Variants in PRKCE observed in about 807,000 individuals in gnomAD.
PRKCE encodes the protein protein kinase C epsilon, also known as protein kinase C epsilon type.
In PRKCE, 16 loss-of-function variants were observed where a neutral mutation model predicts 85.4. That is an observed-to-expected ratio of 0.19 (90% CI 0.13 to 0.28). The LOEUF (loss-of-function observed/expected upper bound fraction) is 0.28. PRKCE is among the 10% of genes least tolerant of loss of function. PRKCE has a pLI of 1.00. For missense variants in PRKCE, 573 were observed against 975.2 expected (o/e 0.59, Z 5.49); for synonymous variants, 388 against 371.5 (o/e 1.04, Z -0.51).
intron 1 of PRKCE, among the ~76,000 whole-genome samples, chr2:45,785,374 C>T (rs975281730): frequency 1.3e-5 from 2 of 151,982 alleles, no homozygotes; most frequent in African/African-American, 4.8e-5. Context: ...ACCTGTAGTT[C>T]CACCTACTCA....
intron 1 of PRKCE, among the ~76,000 whole-genome samples, chr2:45,682,051 T>C (rs1235652444): frequency 5.3e-5 from 8 of 152,236 alleles, no homozygotes; most frequent in East Asian, 1.9e-4. Context: ...TATGAAATGG[T>C]AGTGTTTAAG....
At chr2:46,025,046 C>T (rs964999193) in intron 10 of PRKCE, among the ~76,000 whole-genome samples, 1 of 152,060 alleles carries the variant, frequency 6.6e-6, no homozygotes, top group African/African-American at 2.4e-5. Flanking sequence ...TAGGTAGGCT[C>T]CACTGAAAGA....
intron 2 of PRKCE, among the ~76,000 whole-genome samples, chr2:45,970,410 C>G (rs993801527): frequency 6.6e-6 from 1 of 152,006 alleles, no homozygotes; most frequent in Non-Finnish European, 1.5e-5. Flanking sequence ...ATACATAGCC[C>G]TTTGTGCTGG....
At chr2:46,157,511 C>G (rs1168980546) in intron 13 of PRKCE, among the ~76,000 whole-genome samples, 1 of 152,082 alleles carries the variant, frequency 6.6e-6, no homozygotes, top group Non-Finnish European at 1.5e-5. Context: ...CAGGACAGCT[C>G]CCCCCACCCA....
At chr2:46,076,402 C>G (rs1668564502) in intron 10 of PRKCE, among the ~76,000 whole-genome samples, 1 of 152,202 alleles carries the variant, frequency 6.6e-6, no homozygotes, top group Non-Finnish European at 1.5e-5. Flanking sequence ...GTGGCTTTCA[C>G]ACACAGATGG....
intron 1 of PRKCE, among the ~76,000 whole-genome samples, chr2:45,653,391 T>TTTTTTTTTTTTTTTG (rs1572860827): frequency 7.1e-6 from 1 of 141,066 alleles, no homozygotes; most frequent in Admixed American, 7.0e-5. Context: ...TTTTTTTTTT[T>TTTTTTTTTTTTTTTG]TTTTCTCTCT....
At chr2:45,906,685 G>A (rs1484210183) in intron 2 of PRKCE, among the ~76,000 whole-genome samples, 3 of 152,200 alleles carry the variant, frequency 2.0e-5, no homozygotes, top group African/African-American at 4.8e-5. Context: ...CTCTACTCAT[G>A]TGCTCTGTGT....
intron 2 of PRKCE, among the ~76,000 whole-genome samples, chr2:45,922,239 T>C (rs1698300392): frequency 6.6e-6 from 1 of 152,228 alleles, no homozygotes; most frequent in Non-Finnish European, 1.5e-5. Context: ...GCCTGAGCTT[T>C]GTAAAATTCC....
intron 1 of PRKCE, among the ~76,000 whole-genome samples, chr2:45,732,490 A>G (rs1228224045): frequency 6.6e-6 from 1 of 152,196 alleles, no homozygotes; most frequent in Admixed American, 6.5e-5. Flanking sequence ...ATCCATTGAT[A>G]TCCACCTTTT....
intron 5 of PRKCE, among the ~76,000 whole-genome samples, chr2:45,981,902 A>G (rs1009802153): frequency 6.6e-6 from 1 of 152,216 alleles, no homozygotes; most frequent in African/African-American, 2.4e-5. Flanking sequence ...TTGGAGGGAA[A>G]GGTCCGATAA....
intron 2 of PRKCE, among the ~76,000 whole-genome samples, chr2:45,910,164 G>T (rs1240790985): frequency 1.3e-5 from 2 of 152,112 alleles, no homozygotes; most frequent in African/African-American, 4.8e-5. Flanking sequence ...TGTAGTTAAT[G>T]ATTCTAAAAA....
chr2:45,832,109 A>G (rs1690473912), intron 1 of PRKCE, among the ~76,000 whole-genome samples: 1 of 152,218 alleles, frequency 6.6e-6, no homozygotes, highest in Admixed American at 6.5e-5. Context: ...ATGGCAAATA[A>G]GACTGGTATA....
intron 7 of PRKCE, among the ~76,000 whole-genome samples, chr2:46,002,753 C>T (rs990209798): frequency 6.6e-6 from 1 of 152,182 alleles, no homozygotes; most frequent in African/African-American, 2.4e-5. Flanking sequence ...AGTATCAGTA[C>T]CCAAGAATGC....
chr2:46,149,465 T>G (rs938041635), intron 12 of PRKCE, among the ~76,000 whole-genome samples: 11 of 152,164 alleles, frequency 7.2e-5, no homozygotes, highest in African/African-American at 2.7e-4. Context: ...AATCCCACTC[T>G]AATAAGAAGA....
chr2:45,937,978 T>C (rs776244643), intron 2 of PRKCE, among the ~76,000 whole-genome samples: 1 of 152,206 alleles, frequency 6.6e-6, no homozygotes, highest in Non-Finnish European at 1.5e-5. Context: ...CTTGCTGCCA[T>C]GCTGGCTTCT....
chr2:46,084,709 A>C (rs1669416203), intron 10 of PRKCE, among the ~76,000 whole-genome samples: 1 of 116,884 alleles, frequency 8.6e-6, no homozygotes, highest in South Asian at 3.4e-4. Context: ...CAACAGAGCG[A>C]GACTCCATCA....
At chr2:45,991,215 C>T (rs1375141697) in intron 6 of PRKCE, among the ~76,000 whole-genome samples, 3 of 151,936 alleles carry the variant, frequency 2.0e-5, no homozygotes, top group African/African-American at 7.3e-5. Context: ...TCATGTTGGC[C>T]AGGGTGGTCT....
intron 8 of PRKCE, among the ~76,000 whole-genome samples, chr2:46,005,470 G>T (rs1334945821): frequency 6.6e-6 from 1 of 152,044 alleles, no homozygotes; most frequent in Non-Finnish European, 1.5e-5. Context: ...CTAATTTTAT[G>T]CCCATACCCA....
intron 1 of PRKCE, among the ~76,000 whole-genome samples, chr2:45,763,630 C>T (rs1443644910): frequency 2.6e-5 from 4 of 151,954 alleles, no homozygotes; most frequent in Non-Finnish European, 5.9e-5. Context: ...CTGCAATCTC[C>T]CTTGGTATAA....
Sources: allele counts gnomAD v4.1 joint callset (sites outside exome capture counted in the v4.1 genomes callset), GRCh38; gene constraint gnomAD v4.1.1; transcripts MANE v1.5; gene names NCBI Gene and HGNC (gene_info 2026-07-23, HGNC 2026-07-21).